CYFIP2: variants seen among roughly 807,000 people sequenced by gnomAD.
The protein encoded by CYFIP2 is cytoplasmic FMR1-interacting protein 2.
A neutral mutation model predicts 158.7 loss-of-function variants in CYFIP2; 29 were observed. The observed-to-expected ratio is 0.18, with a 90% CI of 0.14 to 0.25. The LOEUF (loss-of-function observed/expected upper bound fraction) is 0.25. Ranked by LOEUF, CYFIP2 falls within the 10% of genes least tolerant of loss-of-function variation. The pLI, the probability that CYFIP2 is intolerant of heterozygous loss-of-function variation, is 1.00. For synonymous variants in CYFIP2, 585 were observed against 617.6 expected (o/e 0.95, Z 0.78); for missense variants, 852 against 1,639.5 (o/e 0.52, Z 8.29).
chr5:157,305,010 T>C (rs374400318), intron 8 of CYFIP2, among the ~76,000 whole-genome samples: 2 of 151,922 alleles, frequency 1.3e-5, no homozygotes, highest in East Asian at 3.8e-4. Flanking sequence ...TACAATATTT[T>C]GTTTTTCATT....
chr5:157,334,467 C>T (rs1185335696), intron 21 of CYFIP2, among the ~76,000 whole-genome samples: 1 of 152,140 alleles, frequency 6.6e-6, no homozygotes, highest in East Asian at 1.9e-4. Flanking sequence ...AAATAGGATA[C>T]TTGCATAGTC....
chr5:157,280,690 A>G (rs1756928531), intron 1 of CYFIP2, among the ~76,000 whole-genome samples: 1 of 152,122 alleles, frequency 6.6e-6, no homozygotes, highest in South Asian at 2.1e-4. Context: ...ATTTCTATGT[A>G]TGTGTCACAC....
intron 8 of CYFIP2, among the ~76,000 whole-genome samples, chr5:157,306,634 G>A (rs905525222): frequency 6.6e-6 from 1 of 152,068 alleles, no homozygotes; most frequent in Admixed American, 6.6e-5. Context: ...TAATCCTAGC[G>A]CTTTGGGAGG....
At chr5:157,348,273 C>T (rs866698350) in intron 23 of CYFIP2, among the ~76,000 whole-genome samples, 39 of 152,224 alleles carry the variant, frequency 2.6e-4, no homozygotes, top group African/African-American at 8.4e-4. Flanking sequence ...GCTCACAGAG[C>T]ACGCCCTGGA....
At chr5:157,273,159 C>T (rs1259986355) in intron 1 of CYFIP2, among the ~76,000 whole-genome samples, 1 of 152,192 alleles carries the variant, frequency 6.6e-6, no homozygotes, top group African/African-American at 2.4e-5. Context: ...AGCCACTGTG[C>T]CTGGCCCTGT....
chr5:157,294,736 T>G (rs1469817125), intron 3 of CYFIP2, 47 bp from the exon 4 acceptor site: 11 of 1,561,626 alleles, frequency 7.0e-6, no homozygotes, highest in South Asian at 2.2e-5. Flanking sequence ...TGCAGCCTGG[T>G]GGCACCCGTC....
At chr5:157,267,511 C>A (rs1353498893) in intron 1 of CYFIP2, among the ~76,000 whole-genome samples, 1 of 152,128 alleles carries the variant, frequency 6.6e-6, no homozygotes, top group African/African-American at 2.4e-5. Context: ...ACCATTAGAC[C>A]CTCTCTCTGT....
intron 28 of CYFIP2, chr5:157,384,451 C>G (rs1459503262): frequency 4.4e-6 from 2 of 456,736 alleles, no homozygotes; most frequent in Non-Finnish European, 8.8e-6. Context: ...CGGCGGTCCT[C>G]TTTGGTGTTC....
intron 23 of CYFIP2, chr5:157,343,693 A>G: frequency 1.4e-6 from 1 of 694,078 alleles, no homozygotes; most frequent in Non-Finnish European, 2.3e-6. Context: ...AGGTTCTGTT[A>G]TTTAGGCATA....
intron 8 of CYFIP2, among the ~76,000 whole-genome samples, chr5:157,307,411 C>G (rs1317780162): frequency 6.6e-6 from 1 of 152,152 alleles, no homozygotes; most frequent in Admixed American, 6.5e-5. Flanking sequence ...TCTAACCTCC[C>G]TGTGTCTCTG....
At chr5:157,356,240 A>G (rs961292704) in intron 23 of CYFIP2, among the ~76,000 whole-genome samples, 2 of 152,100 alleles carry the variant, frequency 1.3e-5, no homozygotes, top group Non-Finnish European at 2.9e-5. Context: ...TCCTCACTGT[A>G]GGCTCCCATG....
chr5:157,374,230 AG>A (rs1413442546), intron 26 of CYFIP2, among the ~76,000 whole-genome samples: 1 of 152,198 alleles, frequency 6.6e-6, no homozygotes, highest in Non-Finnish European at 1.5e-5. Flanking sequence ...TTGATGTATG[AG>A]GTGACCCCAG....
intron 1 of CYFIP2, among the ~76,000 whole-genome samples, chr5:157,278,430 AGGTACAAAACCAGGTGT>A (rs1171670525): frequency 6.6e-6 from 1 of 152,204 alleles, no homozygotes; most frequent in Non-Finnish European, 1.5e-5. Context: ...CCTTTCAAAA[AGGTACAAAACCAGGTGT>A]GGTCTAGAAG....
chr5:157,300,110 G>A (rs1013760493), intron 5 of CYFIP2, among the ~76,000 whole-genome samples: 3 of 152,010 alleles, frequency 2.0e-5, no homozygotes. Flanking sequence ...CCTTCTTATC[G>A]ACTGGTACCT....
At chr5:157,277,031 C>T (rs2012969) in intron 1 of CYFIP2, 127,232 of 151,106 alleles carry the variant, frequency 0.84, 53,659 homozygotes, top group East Asian at 0.99. Flanking sequence ...TGGGTTTTTT[C>T]TCTTTTTCTT....
intron 26 of CYFIP2, among the ~76,000 whole-genome samples, chr5:157,378,544 C>A (rs1470496633): frequency 1.3e-5 from 2 of 152,318 alleles, no homozygotes; most frequent in South Asian, 2.1e-4. Context: ...CTTCCCAAGG[C>A]TTTGGCTGCA....
chr5:157,268,629 C>T (rs1217768898), intron 1 of CYFIP2, among the ~76,000 whole-genome samples: 1 of 152,210 alleles, frequency 6.6e-6, no homozygotes, highest in African/African-American at 2.4e-5. Context: ...ACTGTTGGCC[C>T]CAGGGGTCCA....
At chr5:157,369,032 G>A (rs920309209) in intron 26 of CYFIP2, among the ~76,000 whole-genome samples, 2 of 151,802 alleles carry the variant, frequency 1.3e-5, no homozygotes, top group Admixed American at 1.3e-4. Context: ...CCAAGTAGCT[G>A]GGATCACAAG....
At chr5:157,305,431 T>C (rs1759133469) in intron 8 of CYFIP2, among the ~76,000 whole-genome samples, 1 of 152,256 alleles carries the variant, frequency 6.6e-6, no homozygotes, top group Non-Finnish European at 1.5e-5. Context: ...TCATATGTAT[T>C]GTTTTGGAAA....
Sources: allele counts gnomAD v4.1 joint callset (sites outside exome capture counted in the v4.1 genomes callset), GRCh38; gene constraint gnomAD v4.1.1; transcripts MANE v1.5; gene names NCBI Gene and HGNC (gene_info 2026-07-23, HGNC 2026-07-21).